The following TRIM23 variants were observed in gnomAD, a reference collection of about 807,000 sequenced individuals.
TRIM23 encodes the protein E3 ubiquitin-protein ligase TRIM23.
TRIM23 carries 27 observed loss-of-function variants against 71.0 expected under a neutral mutation model. That is an observed-to-expected ratio of 0.38 (90% confidence interval 0.28 to 0.52). The LOEUF is 0.52. TRIM23 is among the 20% of genes least tolerant of loss of function. The pLI is 0.84. For missense variants in TRIM23, 482 were observed against 692.3 expected, an observed-to-expected ratio of 0.70 and a Z score of 3.41; for synonymous variants, 234 against 238.0, an observed-to-expected ratio of 0.98 and a Z score of 0.16.
At position 65,609,289 on chromosome 5, in the gene TRIM23, G is replaced by A. The variant is rs1754589202; in HGVS notation, c.998C>T (p.Ser333Leu). ...GTGGAGGCAGGCTGCAGAAACCTCTGACAACAAAATAGTCATATCTTCTTG... is the reference window on the plus strand; with the variant it reads ...GTGGAGGCAGGCTGCAGAAACCTCTAACAACAAAATAGTCATATCTTCTTG... ...QQQEDMTILL[S>L]EVSAACLHCE... Residue 333 changes from serine (S) to leucine (L), a missense_variant, in exon 6 of 11, where the codon TCA becomes TTA. Ser to Leu is a moderately radical substitution (Grantham distance 145, BLOSUM62 -2). This residue lies in a region of TRIM23 where 307 missense variants were observed against 495.8 expected (regional missense o/e 0.62). Coordinates refer to ENST00000231524, the MANE Select transcript of TRIM23 (RefSeq NM_001656.4). 1 of 1,613,984 alleles carries A rather than the reference G, an allele frequency of 6.2e-7. No individual in the cohort carries two copies. The highest frequency in any genetic ancestry group is 1.1e-5 in the South Asian group (1 of 91,086).
chr5:65,602,782 C>T (rs1166199431), intron 7 of TRIM23, among the ~76,000 whole-genome samples: 2 of 152,054 alleles, frequency 1.3e-5, no homozygotes, highest in South Asian at 2.1e-4. Flanking sequence ...AAGCAGAAAC[C>T]CCTAATAAGC....
At chr5:65,607,293 A>G (rs544113210) in intron 6 of TRIM23, 1 of 152,362 alleles carries the variant, frequency 6.6e-6, no homozygotes, top group African/African-American at 2.4e-5. Flanking sequence ...ATCATTAAAA[A>G]TTACCAGTTG....
At chr5:65,604,687 G>C (rs1004860267) in intron 7 of TRIM23, 6 of 381,688 alleles carry the variant, frequency 1.6e-5, no homozygotes, top group Non-Finnish European at 2.8e-5. Context: ...TCACAAATTT[G>C]TGTGTCATCC....
chr5:65,598,472 C>T (rs370697315), intron 7 of TRIM23, among the ~76,000 whole-genome samples: 7 of 152,174 alleles, frequency 4.6e-5, no homozygotes, highest in Admixed American at 1.3e-4. Context: ...TTAGGCCGGG[C>T]GTGGTGGCTC....
chr5:65,602,066 A>C (rs1478912398), intron 7 of TRIM23, among the ~76,000 whole-genome samples: 1 of 152,230 alleles, frequency 6.6e-6, no homozygotes, highest in Non-Finnish European at 1.5e-5. Flanking sequence ...GTTCCTTGCT[A>C]CTTATGCAAA....
At chr5:65,609,202 A>G (rs375782692) in intron 6 of TRIM23, 41 bp downstream of exon 6, 140 of 1,595,682 alleles carry the variant, frequency 8.8e-5, no homozygotes, top group Non-Finnish European at 1.1e-4. Flanking sequence ...TTATCTACTT[A>G]AACTTACAAC....
rs540336319 is a variant in TRIM23, at chr5:65,600,431, T to C, written c.1180-3251A>G. 1.4e-3 allele frequency among the ~76,000 whole-genome samples: 208 copies of C among 152,182 alleles called. 1 individual carries two copies. The highest frequency in any genetic ancestry group is 2.1e-3 in the Non-Finnish European group (140 of 67,990). ...CTCAATGAAAAGACAGTCTCTTCAA[T>C]AAATGATGCTGGGGAAACTGGATAT... On this transcript the variant is annotated intron_variant, in intron 7 of 10. Transcript: ENST00000231524.
chr5:65,618,297 A>G, intron 1 of TRIM23, 42 bp from the exon 2 acceptor site: 1 of 1,560,816 alleles, frequency 6.4e-7, no homozygotes, highest in Admixed American at 2.0e-5. Context: ...AAACAATTTT[A>G]AAAGCATACA....
intron 3 of TRIM23, 96 bp from the exon 4 acceptor site, chr5:65,611,977 G>C (rs1754662331): frequency 8.5e-7 from 1 of 1,178,748 alleles, no homozygotes; most frequent in South Asian, 1.6e-5. Flanking sequence ...TTGCTTAACT[G>C]AACAATATTT....
At chr5:65,596,925 G>T in intron 8 of TRIM23, 126 bp downstream of exon 8, 1 of 1,189,676 alleles carries the variant, frequency 8.4e-7, no homozygotes, top group Non-Finnish European at 1.2e-6. Flanking sequence ...TTTTCTCTGA[G>T]ATGCTGATAT....
intron 2 of TRIM23, among the ~76,000 whole-genome samples, chr5:65,615,422 A>C (rs1754753252): frequency 6.6e-6 from 1 of 152,210 alleles, no homozygotes; most frequent in South Asian, 2.1e-4. Flanking sequence ...TATGCAACAA[A>C]TAACATCTGA....
intron 7 of TRIM23, among the ~76,000 whole-genome samples, chr5:65,600,410 A>T (rs1014338004): frequency 6.6e-6 from 1 of 152,156 alleles, no homozygotes; most frequent in Non-Finnish European, 1.5e-5. Context: ...GGACCACTCA[A>T]TGAAAAGACA....
intron 3 of TRIM23, chr5:65,613,751 A>G (rs967050967): frequency 1.5e-4 from 186 of 1,210,460 alleles, no homozygotes; most frequent in Non-Finnish European, 1.8e-4. Flanking sequence ...TCTCTCATTG[A>G]GTTTTACTGT....
chr5:65,609,680 T>C (rs1581185395), intron 5 of TRIM23, among the ~76,000 whole-genome samples: 1 of 152,116 alleles, frequency 6.6e-6, no homozygotes, highest in Admixed American at 6.5e-5. Flanking sequence ...CAGTGAGTGG[T>C]GATCACAACA....
At chr5:65,623,503 T>C (rs80255467) in intron 1 of TRIM23, among the ~76,000 whole-genome samples, 2 of 152,204 alleles carry the variant, frequency 1.3e-5, no homozygotes, top group African/African-American at 4.8e-5. Flanking sequence ...AATGATTTTT[T>C]AGCAAATTGA....
chr5:65,595,369 A>G (rs983141778), intron 9 of TRIM23, among the ~76,000 whole-genome samples: 2 of 152,080 alleles, frequency 1.3e-5, no homozygotes, highest in Non-Finnish European at 2.9e-5. Context: ...CATCCTGGCT[A>G]ACATGGTGAA....
Position 65,614,223 on chromosome 5 carries a change from GAATA to G in TRIM23, c.245-8_245-5del, listed in dbSNP as rs747903058. 1 of 1,611,504 alleles carries G rather than the reference GAATA, an allele frequency of 6.2e-7. No individual in the cohort carries two copies. Among genetic ancestry groups the G allele is most frequent in the South Asian group, 1.1e-5 (1 of 90,882 alleles). The stretch of plus-strand genomic sequence containing the variant: ...AATCCCCAGACACCTGAATCACCTA[GAATA>G]AATATAAAAACAAAAACTAAATCTA... On this transcript the variant is annotated splice_polypyrimidine_tract_variant and splice_region_variant and intron_variant, in intron 2 of 10. Transcript: ENST00000231524.
At chr5:65,597,325 A>T in intron 7 of TRIM23, 145 bp from the exon 8 acceptor site, 1 of 946,920 alleles carries the variant, frequency 1.1e-6, no homozygotes, top group East Asian at 2.7e-5. Context: ...TCTGATCTCA[A>T]GAAGATGAAA....
intron 6 of TRIM23, among the ~76,000 whole-genome samples, chr5:65,608,151 A>G (rs1754555586): frequency 6.6e-6 from 1 of 152,224 alleles, no homozygotes; most frequent in Non-Finnish European, 1.5e-5. Flanking sequence ...AGAAGTTAGA[A>G]TTATTAAAAC....
Sources: allele counts gnomAD v4.1 joint callset (sites outside exome capture counted in the v4.1 genomes callset), GRCh38; gene constraint gnomAD v4.1.1; regional missense constraint gnomAD v4.1.1; transcripts MANE v1.5; gene names NCBI Gene and HGNC (gene_info 2026-07-23, HGNC 2026-07-21).